The following ZNF69 variants were observed in gnomAD, a reference collection of about 807,000 sequenced individuals.
The protein encoded by ZNF69 is ZNF3.
In ZNF69, 47 loss-of-function variants were observed where a neutral mutation model predicts 50.9. The ratio of observed to expected loss-of-function variants is 0.92; its 90% CI spans 0.73 to 1.18. The LOEUF is 1.18. Ranked by LOEUF, ZNF69 falls within the 50% of genes most tolerant of loss-of-function variation. ZNF69 has a pLI of 0.00. For synonymous variants in ZNF69, 216 were observed against 223.1 expected, an observed-to-expected ratio of 0.97 and a Z score of 0.29; for missense variants, 717 against 675.1, an observed-to-expected ratio of 1.06 and a Z score of -0.69.
the ZNF69 span, among the ~76,000 whole-genome samples, chr19:11,971,601 G>A: frequency 5.3e-5 from 8 of 152,136 alleles, no homozygotes; most frequent in East Asian, 9.6e-4. Context: ...AACTGTAGTC[G>A]TATTTCAAAG....
chr19:11,902,208 T>G (rs1410509202), intron 1 of ZNF69, among the ~76,000 whole-genome samples: 1 of 151,848 alleles, frequency 6.6e-6, no homozygotes, highest in Non-Finnish European at 1.5e-5. Flanking sequence ...TCTCAAACTC[T>G]GTCCCTCAGG....
the ZNF69 span, chr19:11,979,464 G>A: frequency 1.9e-6 from 3 of 1,604,862 alleles, no homozygotes; most frequent in African/African-American, 2.7e-5. Flanking sequence ...CCTTATAAAT[G>A]TAAGACATGT....
the ZNF69 span, among the ~76,000 whole-genome samples, chr19:11,922,502 G>A: frequency 1.3e-5 from 2 of 152,174 alleles, no homozygotes; most frequent in African/African-American, 4.8e-5. Flanking sequence ...AGGACACTAG[G>A]TATGAAGCAA....
the ZNF69 span, among the ~76,000 whole-genome samples, chr19:11,956,972 G>A: frequency 1.3e-5 from 2 of 152,286 alleles, no homozygotes; most frequent in East Asian, 3.9e-4. Flanking sequence ...TCCCTGGAAA[G>A]CTAGGGATCC....
chr19:11,930,963 C>T, the ZNF69 span, among the ~76,000 whole-genome samples: 1 of 146,160 alleles, frequency 6.8e-6, no homozygotes, highest in Non-Finnish European at 1.5e-5. Context: ...TGCGCCATTG[C>T]TCTCTAGCCA....
At chr19:11,917,190 A>G (rs1599269726), downstream of ZNF69, among the ~76,000 whole-genome samples, 2 of 152,306 alleles carry the variant, frequency 1.3e-5, no homozygotes, top group African/African-American at 2.4e-5. Context: ...TCTGAATTGC[A>G]TGGTTACATA....
chr19:11,936,040 TC>T, the ZNF69 span, among the ~76,000 whole-genome samples: 1 of 152,206 alleles, frequency 6.6e-6, no homozygotes, highest in African/African-American at 2.4e-5. Context: ...CATGAACTCA[TC>T]CTTTTTTATG....
At chr19:11,942,385 A>G in the ZNF69 span, among the ~76,000 whole-genome samples, 29 of 152,174 alleles carry the variant, frequency 1.9e-4, no homozygotes, top group East Asian at 5.4e-3. Context: ...GGACTCCGTT[A>G]TGACAGGTGC....
intron 1 of ZNF69, among the ~76,000 whole-genome samples, chr19:11,900,646 C>T (rs988222479): frequency 3.9e-5 from 6 of 152,162 alleles, no homozygotes; most frequent in East Asian, 1.9e-4. Context: ...CCACCGTAAC[C>T]GGCCTTTTGC....
downstream of ZNF69, among the ~76,000 whole-genome samples, chr19:11,908,290 AG>A (rs1272685207): frequency 6.6e-6 from 1 of 152,364 alleles, no homozygotes; most frequent in East Asian, 1.9e-4. Context: ...AAGGATATAC[AG>A]GAATTGAACT....
intron 4 of ZNF69, among the ~76,000 whole-genome samples, chr19:11,911,970 T>C (rs563797617): frequency 1.4e-4 from 22 of 152,052 alleles, no homozygotes; most frequent in Middle Eastern, 3.4e-3. Flanking sequence ...TGGTAAAGCC[T>C]TTGTTTCTTT....
At chr19:11,925,514 C>T in the ZNF69 span, among the ~76,000 whole-genome samples, 2 of 152,270 alleles carry the variant, frequency 1.3e-5, no homozygotes, top group African/African-American at 4.8e-5. Flanking sequence ...TGCCCCGGAG[C>T]CCTCTCTGGG....
chr19:11,951,158 A>G, the ZNF69 span, among the ~76,000 whole-genome samples: 4 of 150,308 alleles, frequency 2.7e-5, 1 homozygote, highest in South Asian at 8.3e-4. Flanking sequence ...TCCAAAAAAA[A>G]AAAAAAAAAA....
At chr19:11,969,999 A>G in the ZNF69 span, among the ~76,000 whole-genome samples, 2 of 152,168 alleles carry the variant, frequency 1.3e-5, no homozygotes, top group Non-Finnish European at 2.9e-5. Context: ...GGAGGGTCTC[A>G]TGGGTATTAG....
At chr19:11,974,118 T>TTTCC in the ZNF69 span, among the ~76,000 whole-genome samples, 1 of 69,064 alleles carries the variant, frequency 1.4e-5, no homozygotes, top group African/African-American at 5.3e-5. Context: ...TCTTTCTTTC[T>TTTCC]TTCTTTCTTT....
At chr19:11,970,474 G>T in the ZNF69 span, among the ~76,000 whole-genome samples, 5 of 152,306 alleles carry the variant, frequency 3.3e-5, no homozygotes, top group South Asian at 2.1e-4. Flanking sequence ...ATAAATAAAA[G>T]AATTCACTGT....
At chr19:11,948,307 A>G in the ZNF69 span, 19 of 1,613,392 alleles carry the variant, frequency 1.2e-5, no homozygotes, top group East Asian at 3.3e-4. Flanking sequence ...CAATGAAATT[A>G]AAGAAGACAG....
At chr19:11,949,280 A>C in the ZNF69 span, 2 of 1,614,012 alleles carry the variant, frequency 1.2e-6, no homozygotes, top group South Asian at 2.2e-5. Context: ...AAACCCTATG[A>C]GTGTAAGCAG....
At chr19:11,915,216 A>C (rs1972511222), downstream of ZNF69, among the ~76,000 whole-genome samples, 1 of 152,152 alleles carries the variant, frequency 6.6e-6, no homozygotes, top group Non-Finnish European at 1.5e-5. Flanking sequence ...AGAAGAAAAA[A>C]AGAAAGAGTT....
Sources: gnomAD v4.1 joint callset for allele counts (sites outside exome capture counted in the v4.1 genomes callset) on GRCh38, gnomAD v4.1.1 for gene constraint, MANE v1.5 for transcripts, NCBI Gene and HGNC (gene_info 2026-07-23, HGNC 2026-07-21) for gene names.